PARN: variants seen among roughly 807,000 people sequenced by gnomAD.
The protein encoded by PARN is poly(A)-specific ribonuclease, also known as poly(A)-specific ribonuclease PARN.
Under a neutral mutation model 102.8 loss-of-function variants are expected in PARN, and 71 were observed. The ratio of observed to expected loss-of-function variants is 0.69; its 90% CI spans 0.57 to 0.84. The LOEUF (loss-of-function observed/expected upper bound fraction) is 0.84. PARN is among the 40% of genes least tolerant of loss of function. The pLI, the probability that PARN is intolerant of heterozygous loss-of-function variation, is 0.00. For missense variants in PARN, 782 were observed against 760.9 expected (o/e 1.03, Z -0.33); for synonymous variants, 261 against 252.9 (o/e 1.03, Z -0.30).
At chr16:14,460,027 A>G (rs1454505869) in intron 22 of PARN, among the ~76,000 whole-genome samples, 1 of 152,250 alleles carries the variant, frequency 6.6e-6, no homozygotes, top group Non-Finnish European at 1.5e-5. Context: ...GAGAATAATT[A>G]AAAACTGCTA....
chr16:14,488,608 G>A (rs1347780289), intron 21 of PARN, among the ~76,000 whole-genome samples: 1 of 152,228 alleles, frequency 6.6e-6, no homozygotes, highest in East Asian at 1.9e-4. Flanking sequence ...TGTGAGGCCA[G>A]TGGACATATG....
intron 21 of PARN, among the ~76,000 whole-genome samples, chr16:14,530,195 TCTC>T (rs1241838096): frequency 1.3e-5 from 2 of 152,118 alleles, no homozygotes; most frequent in Non-Finnish European, 2.9e-5. Flanking sequence ...AGCACAGAAG[TCTC>T]CTCCAGACCT....
intron 19 of PARN, among the ~76,000 whole-genome samples, chr16:14,555,363 A>G (rs1235807356): frequency 6.6e-6 from 1 of 152,214 alleles, no homozygotes; most frequent in Non-Finnish European, 1.5e-5. Context: ...AATCTATTAT[A>G]AATACTTATA....
intron 7 of PARN, among the ~76,000 whole-genome samples, chr16:14,609,677 C>G (rs1402009442): frequency 6.6e-6 from 1 of 152,198 alleles, no homozygotes; most frequent in East Asian, 1.9e-4. Flanking sequence ...CTCGTCAATA[C>G]AAGTGATTTA....
chr16:14,514,701 G>A (rs573327233), intron 21 of PARN, among the ~76,000 whole-genome samples: 1 of 152,198 alleles, frequency 6.6e-6, no homozygotes, highest in Non-Finnish European at 1.5e-5. Context: ...CTATGAACTG[G>A]AGTAACTTTT....
intron 22 of PARN, among the ~76,000 whole-genome samples, chr16:14,453,246 A>G (rs1254785689): frequency 6.6e-6 from 1 of 152,204 alleles, no homozygotes; most frequent in Non-Finnish European, 1.5e-5. Context: ...TTAAACTTTG[A>G]TTAGTGTTTT....
At chr16:14,590,093 A>C (rs2151762431) in intron 13 of PARN, among the ~76,000 whole-genome samples, 1 of 151,364 alleles carries the variant, frequency 6.6e-6, no homozygotes, top group East Asian at 2.0e-4. Flanking sequence ...TCTACTAAAA[A>C]TACAAAAATT....
At chr16:14,467,149 T>A (rs2151579639) in intron 22 of PARN, among the ~76,000 whole-genome samples, 1 of 152,316 alleles carries the variant, frequency 6.6e-6, no homozygotes, top group African/African-American at 2.4e-5. Flanking sequence ...AACTTAGCAA[T>A]CCTAAATGGA....
chr16:14,483,021 T>C (rs1012049906), intron 21 of PARN, among the ~76,000 whole-genome samples, 194 bp from the exon 22 acceptor site: 1 of 152,078 alleles, frequency 6.6e-6, no homozygotes, highest in Non-Finnish European at 1.5e-5. Context: ...TTTTCTCACC[T>C]GGAAAAAAAA....
At chr16:14,565,646 AGAAACG>A (rs1395604968) in intron 18 of PARN, among the ~76,000 whole-genome samples, 1 of 152,240 alleles carries the variant, frequency 6.6e-6, no homozygotes, top group Admixed American at 6.5e-5. Context: ...AAACATTGAG[AGAAACG>A]GAAATCTTCT....
intron 6 of PARN, among the ~76,000 whole-genome samples, chr16:14,613,845 G>A (rs764632452): frequency 6.6e-6 from 1 of 151,384 alleles, no homozygotes; most frequent in Admixed American, 6.6e-5. Context: ...ACACATAGAG[G>A]AGAAGCGGGA....
At chr16:14,558,761 G>A (rs1027295335) in intron 18 of PARN, among the ~76,000 whole-genome samples, 1 of 152,092 alleles carries the variant, frequency 6.6e-6, no homozygotes, top group Admixed American at 6.5e-5. Flanking sequence ...TTTATACTAT[G>A]ATTTTACCTT....
intron 21 of PARN, among the ~76,000 whole-genome samples, chr16:14,491,823 A>T (rs2151611707): frequency 6.6e-6 from 1 of 152,384 alleles, no homozygotes; most frequent in South Asian, 2.1e-4. Context: ...AATGAATAAA[A>T]AACAGCTTTT....
intron 15 of PARN, 65 bp from the exon 16 acceptor site, chr16:14,584,487 C>T: frequency 7.7e-7 from 1 of 1,299,016 alleles, no homozygotes; most frequent in Admixed American, 1.9e-5. Context: ...TAAAGAGATT[C>T]ACTGACCCCC....
intron 5 of PARN, among the ~76,000 whole-genome samples, chr16:14,620,184 T>C (rs1972211430): frequency 6.6e-6 from 1 of 150,904 alleles, no homozygotes; most frequent in African/African-American, 2.4e-5. Flanking sequence ...GAGACCACCC[T>C]GGCTAACATG....
chr16:14,519,006 C>A (rs1038188341), intron 21 of PARN, among the ~76,000 whole-genome samples: 1 of 151,908 alleles, frequency 6.6e-6, no homozygotes, highest in African/African-American at 2.4e-5. Flanking sequence ...ATTATTAAAT[C>A]GGTGGCGAAT....
At chr16:14,623,931 G>A (rs1413879831) in intron 5 of PARN, among the ~76,000 whole-genome samples, 1 of 151,900 alleles carries the variant, frequency 6.6e-6, no homozygotes, top group Non-Finnish European at 1.5e-5. Flanking sequence ...TACCTTCTAT[G>A]AATTCAACTA....
intron 23 of PARN, among the ~76,000 whole-genome samples, chr16:14,444,983 A>ATTTTTTTT (rs564058919): frequency 5.9e-5 from 7 of 117,968 alleles, no homozygotes; most frequent in African/African-American, 9.9e-5. Context: ...TAATATTTAA[A>ATTTTTTTT]TTTTTTTTTT....
intron 21 of PARN, among the ~76,000 whole-genome samples, chr16:14,525,045 G>GA (rs1484902283): frequency 6.6e-6 from 1 of 152,158 alleles, no homozygotes; most frequent in East Asian, 1.9e-4. Context: ...CTACTACTAC[G>GA]AAATATGAGG....
Sources: gnomAD v4.1 joint callset for allele counts (sites outside exome capture counted in the v4.1 genomes callset) on GRCh38, gnomAD v4.1.1 for gene constraint, MANE v1.5 for transcripts, NCBI Gene and HGNC (gene_info 2026-07-23, HGNC 2026-07-21) for gene names.